OXR1: variants seen among roughly 807,000 people sequenced by gnomAD.
OXR1 encodes the protein oxidation resistance protein 1.
In OXR1, 41 loss-of-function variants were observed where a neutral mutation model predicts 104.6. That is an observed-to-expected ratio of 0.39 (90% CI 0.31 to 0.51). The LOEUF (loss-of-function observed/expected upper bound fraction) is 0.51, where lower values mean the gene tolerates loss of function less well. Among genes scored for constraint, OXR1 ranks in the 20% least tolerant of loss-of-function variants. OXR1 has a pLI of 0.77. For synonymous variants in OXR1, 348 were observed against 348.4 expected, an observed-to-expected ratio of 1.00 and a Z score of 0.01; for missense variants, 955 against 1,031.9, an observed-to-expected ratio of 0.93 and a Z score of 1.02.
At chr8:106,680,144 T>C (rs1460083685) in intron 4 of OXR1, among the ~76,000 whole-genome samples, 3 of 152,128 alleles carry the variant, frequency 2.0e-5, no homozygotes, top group Admixed American at 1.3e-4. Context: ...ACCATTCATA[T>C]ATAGCGGACA....
At chr8:106,386,764 C>A (rs573444791) in intron 2 of OXR1, among the ~76,000 whole-genome samples, 4 of 152,240 alleles carry the variant, frequency 2.6e-5, no homozygotes, top group East Asian at 3.9e-4. Context: ...CAGGAGTCTG[C>A]AAGTTTCTCT....
chr8:106,426,955 T>G (rs1819146703), intron 2 of OXR1, among the ~76,000 whole-genome samples: 1 of 152,194 alleles, frequency 6.6e-6, no homozygotes, highest in South Asian at 2.1e-4. Flanking sequence ...CTGCTGTTGC[T>G]AAGTTAAAAA....
chr8:106,303,690 A>G (rs1478840365), intron 1 of OXR1, among the ~76,000 whole-genome samples: 1 of 152,192 alleles, frequency 6.6e-6, no homozygotes, highest in African/African-American at 2.4e-5. Context: ...TAGTTTATAT[A>G]TTGGAATAAA....
Position 106,706,786 on chromosome 8 carries a change from A to G in OXR1, c.1265A>G (p.Lys422Arg). Reference sequence around the variant, plus strand: ...TTAAATAATCTTGAAATGGCCATTAAGGAAGATCAGATTGCAGATAACTTT... The same window carrying G: ...TTAAATAATCTTGAAATGGCCATTAGGGAAGATCAGATTGCAGATAACTTT... Reference protein sequence around the residue: ...TDLNNLEMAIKEDQIADNFQG... With the variant: ...TDLNNLEMAIREDQIADNFQG... Residue 422 changes from lysine (K) to arginine (R), a missense_variant, in exon 9 of 17, where the codon AAG becomes AGG. Lys to Arg is a conservative substitution (Grantham distance 26). Transcript: ENST00000517566. 1 of 1,612,846 alleles carries G rather than the reference A, an allele frequency of 6.2e-7. No homozygotes were observed. The highest frequency in any genetic ancestry group is 1.7e-5 in the Admixed American group (1 of 59,660).
At chr8:106,682,300 G>T (rs1486363193) in intron 4 of OXR1, among the ~76,000 whole-genome samples, 40 of 121,180 alleles carry the variant, frequency 3.3e-4, no homozygotes, top group Non-Finnish European at 1.6e-4. Context: ...ACAGAGTCTC[G>T]CCCTGTCGCC....
chr8:106,717,339 C>T (rs995322052), intron 11 of OXR1, among the ~76,000 whole-genome samples: 9 of 151,958 alleles, frequency 5.9e-5, no homozygotes, highest in Non-Finnish European at 8.8e-5. Flanking sequence ...CAGAATGTGC[C>T]GTGATGTTTT....
chr8:106,312,437 C>T (rs955377804), intron 1 of OXR1, among the ~76,000 whole-genome samples: 3 of 152,218 alleles, frequency 2.0e-5, no homozygotes, highest in Non-Finnish European at 4.4e-5. Flanking sequence ...CATCTGTGCC[C>T]TGGCCTCAGA....
intron 2 of OXR1, among the ~76,000 whole-genome samples, chr8:106,366,706 G>A (rs376474553): frequency 3.3e-5 from 5 of 152,228 alleles, no homozygotes; most frequent in African/African-American, 1.2e-4. Flanking sequence ...GTAAGTTCAT[G>A]TTGAATGAAT....
At chr8:106,285,679 C>T (rs72678525) in intron 1 of OXR1, among the ~76,000 whole-genome samples, 11,672 of 151,926 alleles carry the variant, frequency 0.077, 645 homozygotes, top group East Asian at 0.24. Context: ...GATTCTGCAT[C>T]GTGATGCACT....
intron 3 of OXR1, among the ~76,000 whole-genome samples, chr8:106,539,898 A>G (rs529551301): frequency 6.6e-6 from 1 of 152,376 alleles, no homozygotes; most frequent in Non-Finnish European, 1.5e-5. Flanking sequence ...ATGCTGAGTG[A>G]GATCAACATA....
At position 106,420,234 on chromosome 8, in the gene OXR1, T is replaced by C. The variant is rs981603248; in HGVS notation, c.23+60598T>C. Among the ~76,000 whole-genome samples, 34 of 152,038 alleles carry C rather than the reference T, an allele frequency of 2.2e-4. 1 individual carries two copies. Among genetic ancestry groups the C allele is most frequent in the African/African-American group, 8.0e-4 (33 of 41,444 alleles). ...TGTTAAATTGGTTATGAATTGGAGGTCATATATCTTTATTTCTTTGTTTGT... is the reference window on the plus strand; with the variant it reads ...TGTTAAATTGGTTATGAATTGGAGGCCATATATCTTTATTTCTTTGTTTGT... On this transcript the variant is annotated intron_variant, in intron 2 of 16. Transcript: ENST00000517566.
Position 106,739,872 on chromosome 8 carries a change from C to G in OXR1, c.2163+289C>G, listed in dbSNP as rs146555140. ...ACAACAGCTGTAGAAATTGGATGCT[C>G]TTATTATGCACATTTTTTATTAAGT... is the stretch of plus-strand genomic sequence containing the variant. On this transcript the variant is annotated intron_variant, in intron 13 of 16. Coordinates refer to ENST00000517566, the MANE Select transcript of OXR1 (RefSeq NM_001198533.2). 7.2e-5 allele frequency among the ~76,000 whole-genome samples: 11 copies of G among 152,206 alleles called. No homozygotes were observed. In the East Asian group the frequency reaches 2.1e-3, roughly 29 times the overall value.
chr8:106,645,727 G>C (rs939420810), intron 3 of OXR1, among the ~76,000 whole-genome samples: 1 of 152,108 alleles, frequency 6.6e-6, no homozygotes, highest in East Asian at 1.9e-4. Flanking sequence ...GGTATGGGGA[G>C]GTGGGGAGTT....
chr8:106,486,878 A>G (rs1302972168), intron 2 of OXR1, among the ~76,000 whole-genome samples: 1 of 152,086 alleles, frequency 6.6e-6, no homozygotes, highest in African/African-American at 2.4e-5. Flanking sequence ...ATAAGTTATA[A>G]TAATTATATG....
intron 1 of OXR1, among the ~76,000 whole-genome samples, chr8:106,324,548 GAAA>G (rs57979286): frequency 1.4e-5 from 2 of 143,828 alleles, no homozygotes; most frequent in Non-Finnish European, 3.1e-5. Flanking sequence ...TACAAAAAAA[GAAA>G]AAAAAAAACT....
rs145753869 is a variant in OXR1 at position 106,597,798 on chromosome 8, G to A, written c.220+78659G>A. On this transcript the variant is annotated intron_variant, in intron 3 of 16. Transcript: ENST00000517566. ...CCAGATCTCTGATCACTATTCACAA[G>A]GCCCTTCACGATCTGGCTTCTGCTT... Among the ~76,000 whole-genome samples, 35 of 152,128 alleles carry A rather than the reference G, an allele frequency of 2.3e-4. No homozygotes were observed. The East Asian group carries it at 5.2e-3, about 23-fold the overall frequency.
chr8:106,658,963 A>T (rs901195416), intron 3 of OXR1, among the ~76,000 whole-genome samples: 1 of 152,246 alleles, frequency 6.6e-6, no homozygotes, highest in African/African-American at 2.4e-5. Flanking sequence ...CAGGTAGCAG[A>T]CATCCTAGCC....
chr8:106,442,420 C>T (rs1819824330), intron 2 of OXR1, among the ~76,000 whole-genome samples: 1 of 152,206 alleles, frequency 6.6e-6, no homozygotes, highest in Admixed American at 6.5e-5. Context: ...CAGGACGGTA[C>T]TGGCTTCATG....
At chr8:106,712,442 T>G (rs1831793101) in intron 10 of OXR1, among the ~76,000 whole-genome samples, 1 of 152,042 alleles carries the variant, frequency 6.6e-6, no homozygotes, top group Admixed American at 6.6e-5. Flanking sequence ...TTTTATAAAT[T>G]AGAAAAAGTG....
Sources: gnomAD v4.1 joint callset for allele counts (sites outside exome capture counted in the v4.1 genomes callset) on GRCh38, gnomAD v4.1.1 for gene constraint, MANE v1.5 for transcripts, NCBI Gene and HGNC (gene_info 2026-07-23, HGNC 2026-07-21) for gene names.